MRPS6: variants seen among roughly 807,000 people sequenced by gnomAD.
The protein encoded by MRPS6 is mitochondrial ribosomal protein S6.
MRPS6 carries 6 observed loss-of-function variants against 13.1 expected under a neutral mutation model. The observed-to-expected ratio is 0.46, with a 90% confidence interval of 0.25 to 0.91. MRPS6 has a LOEUF of 0.91. MRPS6 is among the 40% of genes least tolerant of loss of function. The probability of loss-of-function intolerance (pLI) is 0.18; values close to 1 mark genes in which losing one functional copy is unlikely to be tolerated. For missense variants in MRPS6, 164 were observed against 155.6 expected, an observed-to-expected ratio of 1.05 and a Z score of -0.29; for synonymous variants, 61 against 56.5, an observed-to-expected ratio of 1.08 and a Z score of -0.36.
At chr21:34,102,297 C>G in intron 1 of MRPS6, 1 of 998,970 alleles carries the variant, frequency 1.0e-6, no homozygotes, top group Non-Finnish European at 1.2e-6. Context: ...ATTTAAACTT[C>G]TCTCTCTTCA....
chr21:34,113,313 G>T (rs1979777313), intron 1 of MRPS6, among the ~76,000 whole-genome samples: 2 of 152,174 alleles, frequency 1.3e-5, no homozygotes, highest in African/African-American at 2.4e-5. Context: ...TAGCTGAGAT[G>T]TGGATCAACC....
At chr21:34,103,318 A>T in intron 1 of MRPS6, 1 of 955,996 alleles carries the variant, frequency 1.0e-6, no homozygotes, top group East Asian at 1.2e-4. Context: ...AAGGAAGTAA[A>T]AAAAAAAAAA....
intron 1 of MRPS6, chr21:34,105,581 G>A (rs1979440636): frequency 1.0e-6 from 1 of 999,984 alleles, no homozygotes; most frequent in Non-Finnish European, 1.2e-6. Context: ...TTTTGTAAGA[G>A]ACCAGTTAGT....
At chr21:34,126,415 CCTT>C (rs1469835523) in intron 2 of MRPS6, among the ~76,000 whole-genome samples, 3 of 152,216 alleles carry the variant, frequency 2.0e-5, no homozygotes, top group Admixed American at 6.5e-5. Context: ...TGCATTTAAA[CCTT>C]CTGCCGTGCT....
At chr21:34,129,558 T>C (rs1980428575) in intron 2 of MRPS6, among the ~76,000 whole-genome samples, 3 of 152,214 alleles carry the variant, frequency 2.0e-5, no homozygotes, top group Admixed American at 2.0e-4. Context: ...GGCCTACATA[T>C]AAGATGCCCT....
intron 2 of MRPS6, among the ~76,000 whole-genome samples, chr21:34,126,164 G>T (rs1012543686): frequency 6.6e-6 from 1 of 152,206 alleles, no homozygotes; most frequent in South Asian, 2.1e-4. Flanking sequence ...AGAAGAGTCA[G>T]CTCTCTCTGG....
chr21:34,133,572 T>A (rs952034678), intron 2 of MRPS6, among the ~76,000 whole-genome samples: 4 of 152,172 alleles, frequency 2.6e-5, no homozygotes, highest in Non-Finnish European at 2.9e-5. Context: ...GTTGAATACT[T>A]GACTGTAAGG....
In MRPS6 at chr21:34,116,178, TTGTGTGTGTGTGTGTGTGTGTGTGTG is replaced by T. The variant is rs57694757; in HGVS notation, c.46-9149_46-9124del. 2.8e-5 allele frequency among the ~76,000 whole-genome samples: 4 copies of T among 141,384 alleles called. 1 individual carries two copies. The highest frequency in any genetic ancestry group is 1.1e-4 in the African/African-American group (4 of 37,538). 92.8% of individuals were successfully genotyped at this position (141,384 alleles called of 152,430 possible). ...TGTGTCCCACCATGCCCAGCTAATT[TTGTGTGTGTGTGTGTGTGTGTGTGTG>T]TGTGTGTGTGTGTATGTGTGTTTTG... On this transcript the variant is annotated intron_variant, in intron 1 of 2. Coordinates refer to ENST00000399312, the MANE Select transcript of MRPS6 (RefSeq NM_032476.4).
At chr21:34,083,340 T>C (rs1003981417) in intron 1 of MRPS6, among the ~76,000 whole-genome samples, 3 of 152,216 alleles carry the variant, frequency 2.0e-5, no homozygotes, top group Non-Finnish European at 4.4e-5. Flanking sequence ...GTTCCAGATA[T>C]CTGCTCCCTT....
At chr21:34,106,612 A>G (rs1287653173) in intron 1 of MRPS6, among the ~76,000 whole-genome samples, 1 of 152,244 alleles carries the variant, frequency 6.6e-6, no homozygotes, top group Non-Finnish European at 1.5e-5. Flanking sequence ...TGCCTGCCAC[A>G]TTGGCTTTGC....
intron 1 of MRPS6, among the ~76,000 whole-genome samples, chr21:34,118,557 CTTTTTTTTTTTT>C (rs373895797): frequency 1.5e-5 from 2 of 133,162 alleles, no homozygotes; most frequent in South Asian, 4.8e-4. Context: ...TTCTTTCTTT[CTTTTTTTTTTTT>C]TTTTTGAGAC....
chr21:34,118,287 A>G (rs1979999577), intron 1 of MRPS6, among the ~76,000 whole-genome samples: 1 of 151,922 alleles, frequency 6.6e-6, no homozygotes, highest in Non-Finnish European at 1.5e-5. Context: ...GTTATTTTGT[A>G]TGTTATGTGT....
chr21:34,095,255 G>A (rs760177734), intron 1 of MRPS6: 1 of 1,613,918 alleles, frequency 6.2e-7, no homozygotes, highest in Non-Finnish European at 8.5e-7. Flanking sequence ...ATTTTATCCT[G>A]GTCATGTGCA....
At chr21:34,076,774 A>G (rs1442993727) in intron 1 of MRPS6, among the ~76,000 whole-genome samples, 6 of 152,210 alleles carry the variant, frequency 3.9e-5, no homozygotes, top group African/African-American at 1.4e-4. Context: ...AATTTGAAAA[A>G]CCAGTTGTTT....
At chr21:34,104,146 G>C (rs1979371379) in intron 1 of MRPS6, 1 of 999,746 alleles carries the variant, frequency 1.0e-6, no homozygotes, top group Non-Finnish European at 1.2e-6. Flanking sequence ...ATACTTGACT[G>C]TGCTTCATTT....
chr21:34,131,897 C>G (rs1302057095), intron 2 of MRPS6, among the ~76,000 whole-genome samples: 1 of 152,170 alleles, frequency 6.6e-6, no homozygotes, highest in East Asian at 1.9e-4. Flanking sequence ...GCTGCATATT[C>G]CAGGAGGATG....
intron 2 of MRPS6, among the ~76,000 whole-genome samples, chr21:34,129,338 T>G (rs889004122): frequency 2.6e-5 from 4 of 152,186 alleles, no homozygotes; most frequent in Non-Finnish European, 4.4e-5. Context: ...CGGTCGTATT[T>G]CAGCGTTGGG....
intron 1 of MRPS6, among the ~76,000 whole-genome samples, chr21:34,084,777 CCT>C (rs1166334554): frequency 6.6e-6 from 1 of 152,148 alleles, no homozygotes; most frequent in Non-Finnish European, 1.5e-5. Flanking sequence ...AGTCTGCTCA[CCT>C]CTGTTTTCTT....
intron 1 of MRPS6, chr21:34,097,957 A>G (rs900580512): frequency 2.0e-6 from 2 of 994,896 alleles, no homozygotes; most frequent in Non-Finnish European, 2.4e-6. Context: ...TACCACCAGT[A>G]TATGGAATGT....
Sources: allele counts gnomAD v4.1 joint callset (sites outside exome capture counted in the v4.1 genomes callset), GRCh38; gene constraint gnomAD v4.1.1; transcripts MANE v1.5; gene names NCBI Gene and HGNC (gene_info 2026-07-23, HGNC 2026-07-21).